Variants in NRXN2 observed in about 807,000 individuals in gnomAD.
The protein encoded by NRXN2 is neurexin-2-beta.
A neutral mutation model predicts 128.8 loss-of-function variants in NRXN2; 29 were observed. The ratio of observed to expected loss-of-function variants is 0.23; its 90% confidence interval spans 0.17 to 0.31. The LOEUF is 0.31. Among genes scored for constraint, NRXN2 ranks in the 10% least tolerant of loss-of-function variants. The pLI, the probability that NRXN2 is intolerant of heterozygous loss-of-function variation, is 1.00. For synonymous variants in NRXN2, 1,098 were observed against 1,075.2 expected (o/e 1.02, Z -0.41); for missense variants, 1,881 against 2,452.6 (o/e 0.77, Z 4.92).
chr11:64,710,516 T>C (rs1279590870), intron 2 of NRXN2, among the ~76,000 whole-genome samples: 1 of 152,180 alleles, frequency 6.6e-6, no homozygotes, highest in Non-Finnish European at 1.5e-5. Context: ...TGCCTCTGGC[T>C]GCATTTTTCA....
Position 64,620,291 on chromosome 11 carries a change from CACCAGT to C in NRXN2, c.4249_4252+2del. ...GGGCAGGGGAGGGGGGAAAGGCACT[CACCAGT>C]ACTGGGCTCACACTCCTCCAGGTCC... On this transcript the variant is annotated splice_donor_variant and coding_sequence_variant, in exon 22 of 23. Coordinates refer to ENST00000265459, the MANE Select transcript of NRXN2 (RefSeq NM_015080.4). LOFTEE classifies it high-confidence loss of function. The C allele has an allele frequency of 6.4e-7, 1 of 1,551,240 alleles. No homozygotes were observed. Among genetic ancestry groups the C allele is most frequent in the East Asian group, 2.4e-5 (1 of 40,966 alleles).
intron 18 of NRXN2, among the ~76,000 whole-genome samples, chr11:64,634,373 G>A (rs990882445): frequency 9.9e-5 from 15 of 152,174 alleles, no homozygotes; most frequent in African/African-American, 3.6e-4. Flanking sequence ...GAAATGAAAT[G>A]GAGCAATACC....
At chr11:64,664,067 G>A (rs1478718580) in intron 9 of NRXN2, among the ~76,000 whole-genome samples, 1 of 152,198 alleles carries the variant, frequency 6.6e-6, no homozygotes, top group Non-Finnish European at 1.5e-5. Flanking sequence ...AGTGTTTAAT[G>A]GGCCAGAGTT....
rs2050059171 is a variant in NRXN2 at position 64,667,592 on chromosome 11, A to T, written c.1456T>A (p.Cys486Ser). 1 of 1,614,090 alleles carries T rather than the reference A, an allele frequency of 6.2e-7. No individual in the cohort carries two copies. The highest frequency in any genetic ancestry group is 1.7e-5 in the Admixed American group (1 of 60,012). ...MKLQGDLSFR[C>S]EDVAALDPVT... ...GGGTCCAGGGCAGCCACATCCTCAC[A>T]GCGGAATGACAAGTCCCCCTGCAGC... The change falls in exon 9 of 23, where the codon TGT becomes AGT. Residue 486 changes from cysteine to serine, a missense_variant. By Grantham distance (112) the Cys-to-Ser change is moderately radical. Around this residue, in one of 7 missense-constraint regions of NRXN2, gnomAD observed 997 missense variants for 1,240.8 expected, o/e 0.80. Transcript: ENST00000265459. The surrounding 1 kb of genome is among the most constrained non-coding windows in gnomAD (Gnocchi z 5.6).
chr11:64,617,403 T>A (rs1356351590), intron 22 of NRXN2, among the ~76,000 whole-genome samples: 2 of 152,202 alleles, frequency 1.3e-5, no homozygotes, highest in Non-Finnish European at 2.9e-5. Context: ...TTGGGCCAGC[T>A]GAGACAACTA....
chr11:64,662,321 G>A (rs949366928), intron 9 of NRXN2, among the ~76,000 whole-genome samples: 2 of 151,992 alleles, frequency 1.3e-5, no homozygotes, highest in South Asian at 2.1e-4. Flanking sequence ...GGAGGAGGAG[G>A]AAGGAGGAGG....
At chr11:64,656,001 T>C (rs1591847599) in intron 11 of NRXN2, 1 of 152,230 alleles carries the variant, frequency 6.6e-6, no homozygotes, top group South Asian at 2.1e-4. Context: ...GGTCGTAGTA[T>C]GAACACGTGT....
At chr11:64,700,161 G>T (rs902784300) in intron 2 of NRXN2, among the ~76,000 whole-genome samples, 7 of 152,074 alleles carry the variant, frequency 4.6e-5, no homozygotes, top group Admixed American at 2.0e-4. Context: ...ACTTCTCCTC[G>T]CTCTCCTCAG....
chr11:64,662,498 G>A (rs533003688), intron 9 of NRXN2, among the ~76,000 whole-genome samples: 18 of 151,932 alleles, frequency 1.2e-4, no homozygotes, highest in Non-Finnish European at 2.2e-4. Context: ...AAAAGGGGTC[G>A]GGGCCGGGCA....
At chr11:64,715,699 A>C (rs1592319900) in intron 1 of NRXN2, among the ~76,000 whole-genome samples, 2 of 152,026 alleles carry the variant, frequency 1.3e-5, no homozygotes, top group East Asian at 3.9e-4. Context: ...ACAAGGCTCC[A>C]ATGGGGACCT....
chr11:64,651,388 G>A lies in NRXN2; in HGVS notation c.2785C>T (p.Leu929=). The change falls in exon 14 of 23, where the codon CTG becomes TTG. Residue 929 remains leucine, a synonymous_variant. Coordinates refer to ENST00000265459, the MANE Select transcript of NRXN2 (RefSeq NM_015080.4). The surrounding 1 kb of genome is among the most constrained non-coding windows in gnomAD (Gnocchi z 5.9). ...TAGGCTTGGAGCGTGGCGAGTGCCA[G>A]GTAGCTGCTGCGACTCTTGAAGGTG... The part of the protein sequence containing the change: ...PVTFKSRSSY[L]ALATLQAYAS... 6.2e-7 allele frequency: 1 copy of A among 1,614,238 alleles called. No individual in the cohort carries two copies. The highest frequency in any genetic ancestry group is 8.5e-7 in the Non-Finnish European group (1 of 1,180,040).
chr11:64,661,033 GC>G lies in NRXN2; in HGVS notation c.1904del (p.Gly635AlafsTer29). 1 of 1,613,482 alleles carries G rather than the reference GC, an allele frequency of 6.2e-7. No individual in the cohort carries two copies. The highest frequency in any genetic ancestry group is 8.5e-7 in the Non-Finnish European group (1 of 1,179,982). On this transcript the variant is annotated frameshift_variant, in exon 10 of 23. Coordinates refer to ENST00000265459, the MANE Select transcript of NRXN2 (RefSeq NM_015080.4). LOFTEE classifies it high-confidence loss of function. ...ELYLGGLPEG[G>X]RVDLPLPPEV... The stretch of plus-strand genomic sequence containing the variant: ...CTGGGGGCAGGGGCAGGTCCACCCG[GC>G]CCCCCTCAGGGAGACCGCCCAGGTA...
At chr11:64,711,880 A>G (rs191449078) in intron 2 of NRXN2, among the ~76,000 whole-genome samples, 5 of 152,288 alleles carry the variant, frequency 3.3e-5, no homozygotes, top group Admixed American at 3.3e-4. Context: ...TTTTGTGGTG[A>G]AAAAGAAACA....
chr11:64,610,246 C>T (rs1321195029), intron 22 of NRXN2, among the ~76,000 whole-genome samples: 1 of 152,154 alleles, frequency 6.6e-6, no homozygotes, highest in African/African-American at 2.4e-5. Flanking sequence ...GCTCCTGGCC[C>T]TCCAAAGGCT....
At chr11:64,669,657 CAG>C (rs2050366043) in intron 7 of NRXN2, among the ~76,000 whole-genome samples, 1 of 152,146 alleles carries the variant, frequency 6.6e-6, no homozygotes, top group Non-Finnish European at 1.5e-5. Flanking sequence ...CCAGTCTCCC[CAG>C]GCAAATGCCC....
Position 64,649,894 on chromosome 11 carries a change from G to A in NRXN2, c.3109+554C>T, listed in dbSNP as rs532541429. On this transcript the variant is annotated intron_variant, in intron 15 of 22. Coordinates refer to ENST00000265459, the MANE Select transcript of NRXN2 (RefSeq NM_015080.4). ...GATCTCTCAGTCACCCATTCTGGGG[G>A]CAGGCAATGACTGCTTCAATGACCA... 2.6e-4 allele frequency among the ~76,000 whole-genome samples: 39 copies of A among 152,192 alleles called. 1 individual carries two copies. The South Asian group carries it at 8.1e-3, about 32-fold the overall frequency.
chr11:64,642,247 TAGA>T (rs959676287), intron 17 of NRXN2, among the ~76,000 whole-genome samples: 2 of 149,474 alleles, frequency 1.3e-5, no homozygotes, highest in African/African-American at 2.5e-5. Context: ...GGTAAGGAAG[TAGA>T]AGGAGATAAT....
chr11:64,643,807 A>G (rs1186999906), intron 17 of NRXN2, among the ~76,000 whole-genome samples: 3 of 151,404 alleles, frequency 2.0e-5, no homozygotes, highest in African/African-American at 7.3e-5. Context: ...CCTCCTGGAG[A>G]AGGGACCCTG....
rs550375589 is a variant in NRXN2 at position 64,616,013 on chromosome 11, A to T, written c.4252+4281T>A. On this transcript the variant is annotated intron_variant, in intron 22 of 22. Coordinates refer to ENST00000265459, the MANE Select transcript of NRXN2 (RefSeq NM_015080.4). Reference sequence around the variant, plus strand: ...GTGTGTGTGTGTACACTGCTGTGGCACTCAGCACATTGACTGTGCATGGAA... The same window carrying T: ...GTGTGTGTGTGTACACTGCTGTGGCTCTCAGCACATTGACTGTGCATGGAA... Among the ~76,000 whole-genome samples, 3 of 152,220 alleles carry T rather than the reference A, an allele frequency of 2.0e-5. No individual in the cohort carries two copies. The East Asian group carries it at 5.8e-4, about 29-fold the overall frequency.
Sources: gnomAD v4.1 joint callset for allele counts (sites outside exome capture counted in the v4.1 genomes callset) on GRCh38, gnomAD v4.1.1 for gene constraint, gnomAD v4.1.1 regional missense constraint, Gnocchi (gnomAD v3.1) non-coding constraint, MANE v1.5 for transcripts, NCBI Gene and HGNC (gene_info 2026-07-23, HGNC 2026-07-21) for gene names.